Variants in LINGO2 observed in about 807,000 individuals in gnomAD.
LINGO2 encodes the protein leucine-rich repeat and immunoglobulin-like domain-containing nogo receptor-interacting protein 2.
Under a neutral mutation model 30.6 loss-of-function variants are expected in LINGO2, and 14 were observed. The ratio of observed to expected loss-of-function variants is 0.46; its 90% CI spans 0.30 to 0.72. The LOEUF is 0.72. LINGO2 is among the 30% of genes least tolerant of loss of function. The pLI, the probability that LINGO2 is intolerant of heterozygous loss-of-function variation, is 0.07. For synonymous variants in LINGO2, 317 were observed against 288.5 expected (o/e 1.10, Z -1.00); for missense variants, 729 against 751.7 (o/e 0.97, Z 0.35).
chr9:27,979,662 A>C (rs147765950), intron 5 of LINGO2, among the ~76,000 whole-genome samples: 1 of 152,032 alleles, frequency 6.6e-6, no homozygotes, highest in East Asian at 1.9e-4. Flanking sequence ...ATAAAGTAGA[A>C]TCCTATATTT....
chr9:28,541,829 ATTAGAG>A (rs1821712147), intron 1 of LINGO2, among the ~76,000 whole-genome samples: 1 of 152,138 alleles, frequency 6.6e-6, no homozygotes, highest in Non-Finnish European at 1.5e-5. Context: ...CTGAATCTTG[ATTAGAG>A]TTAAAATTCA....
chr9:28,680,325 G>A, the LINGO2 span, among the ~76,000 whole-genome samples: 6 of 151,930 alleles, frequency 3.9e-5, no homozygotes, highest in Non-Finnish European at 8.8e-5. Flanking sequence ...GTAGTATTCT[G>A]TTGTGTATAT....
chr9:28,967,547 T>C, the LINGO2 span, among the ~76,000 whole-genome samples: 1 of 152,160 alleles, frequency 6.6e-6, no homozygotes, highest in Non-Finnish European at 1.5e-5. Flanking sequence ...GAGAAGCTAG[T>C]TGCATGGGAT....
chr9:28,655,569 C>A (rs1349191193), intron 1 of LINGO2, among the ~76,000 whole-genome samples: 1 of 151,988 alleles, frequency 6.6e-6, no homozygotes, highest in Non-Finnish European at 1.5e-5. Context: ...TTTGTATCCT[C>A]ACCCAAATCT....
chr9:28,562,300 T>C (rs376297697), intron 1 of LINGO2, among the ~76,000 whole-genome samples: 9 of 151,866 alleles, frequency 5.9e-5, no homozygotes, highest in East Asian at 3.9e-4. Flanking sequence ...TTTTCCTCTA[T>C]TGGTGAATTA....
At chr9:28,650,607 C>T (rs548895800) in intron 1 of LINGO2, among the ~76,000 whole-genome samples, 11 of 152,224 alleles carry the variant, frequency 7.2e-5, no homozygotes, top group Admixed American at 5.9e-4. Context: ...GTGCTTCTGA[C>T]CTCTCTGACG....
chr9:28,519,853 T>C (rs188812784), intron 1 of LINGO2, among the ~76,000 whole-genome samples: 31 of 152,262 alleles, frequency 2.0e-4, no homozygotes, highest in African/African-American at 7.5e-4. Flanking sequence ...CTAAGAAGTT[T>C]TTGCCCAGCC....
At chr9:27,937,734 C>T in the LINGO2 span, 1 of 152,030 alleles carries the variant, frequency 6.6e-6, no homozygotes, top group Non-Finnish European at 1.5e-5. Context: ...CAGCTCCCCT[C>T]CCACCCCTAT....
At chr9:28,776,928 G>A in the LINGO2 span, among the ~76,000 whole-genome samples, 295 of 152,034 alleles carry the variant, frequency 1.9e-3, 1 homozygote, top group African/African-American at 7.0e-3. Context: ...TGTAGGAGTG[G>A]CCTGGCGGGA....
chr9:28,819,201 C>G, the LINGO2 span, among the ~76,000 whole-genome samples: 1 of 152,108 alleles, frequency 6.6e-6, no homozygotes, highest in East Asian at 1.9e-4. Flanking sequence ...CCATTGAAAG[C>G]AGGGGATATA....
chr9:28,144,192 G>C (rs1282096807), intron 4 of LINGO2, among the ~76,000 whole-genome samples: 1 of 151,944 alleles, frequency 6.6e-6, no homozygotes, highest in Admixed American at 6.6e-5. Flanking sequence ...ATTGTTTTTT[G>C]GAAATGTATG....
the LINGO2 span, among the ~76,000 whole-genome samples, chr9:29,137,168 C>T: frequency 6.6e-6 from 1 of 152,094 alleles, no homozygotes; most frequent in Admixed American, 6.6e-5. Context: ...CAGAAGGGTA[C>T]TGATGACACT....
chr9:28,568,572 A>G (rs762047860), intron 1 of LINGO2, among the ~76,000 whole-genome samples: 50 of 152,110 alleles, frequency 3.3e-4, no homozygotes, highest in Non-Finnish European at 5.1e-4. Context: ...AATCAAAGAC[A>G]AGAGAATTTT....
intron 5 of LINGO2, among the ~76,000 whole-genome samples, chr9:27,960,115 T>C (rs1819766640): frequency 6.6e-6 from 1 of 152,118 alleles, no homozygotes; most frequent in Non-Finnish European, 1.5e-5. Context: ...AAATAAGATA[T>C]TCAAATATAT....
chr9:28,714,876 C>T, the LINGO2 span, among the ~76,000 whole-genome samples: 3 of 151,952 alleles, frequency 2.0e-5, no homozygotes, highest in South Asian at 6.3e-4. Flanking sequence ...AAATTTCTAC[C>T]ATGAAAGTTC....
chr9:28,530,481 C>T (rs1178985151), intron 1 of LINGO2, among the ~76,000 whole-genome samples: 1 of 152,088 alleles, frequency 6.6e-6, no homozygotes, highest in African/African-American at 2.4e-5. Flanking sequence ...TTGCCCATTT[C>T]CTCTCAGAGT....
At chr9:29,039,605 A>G in the LINGO2 span, among the ~76,000 whole-genome samples, 1 of 152,122 alleles carries the variant, frequency 6.6e-6, no homozygotes, top group Admixed American at 6.6e-5. Context: ...CTGACTTTTT[A>G]GTATCTTCTC....
chr9:28,997,101 A>AT, the LINGO2 span, among the ~76,000 whole-genome samples: 1 of 152,076 alleles, frequency 6.6e-6, no homozygotes, highest in Non-Finnish European at 1.5e-5. Context: ...TACCCTACTA[A>AT]TTTTTTTGTT....
intron 3 of LINGO2, among the ~76,000 whole-genome samples, chr9:28,346,704 T>A (rs1455410052): frequency 6.6e-6 from 1 of 152,124 alleles, no homozygotes. Flanking sequence ...GCATGTTATT[T>A]TTGATTTTTT....
Sources: allele counts gnomAD v4.1 joint callset (sites outside exome capture counted in the v4.1 genomes callset), GRCh38; gene constraint gnomAD v4.1.1; transcripts MANE v1.5; gene names NCBI Gene and HGNC (gene_info 2026-07-23, HGNC 2026-07-21).